Variants in VPS13B observed in about 807,000 individuals in gnomAD.
The protein encoded by VPS13B is intermembrane lipid transfer protein VPS13B.
Under a neutral mutation model 426.4 loss-of-function variants are expected in VPS13B, and 285 were observed. The ratio of observed to expected loss-of-function variants is 0.67; its 90% CI spans 0.61 to 0.74. VPS13B has a LOEUF of 0.74. Among genes scored for constraint, VPS13B ranks in the 30% least tolerant of loss-of-function variants. The pLI is 0.00. For synonymous variants in VPS13B, 1,676 were observed against 1,676.4 expected (o/e 1.00, Z 0.01); for missense variants, 4,537 against 4,782.6 (o/e 0.95, Z 1.51).
intron 56 of VPS13B, among the ~76,000 whole-genome samples, chr8:99,856,309 G>A (rs1816543599): frequency 6.6e-6 from 1 of 152,170 alleles, no homozygotes; most frequent in South Asian, 2.1e-4. Context: ...AAAAATCTAT[G>A]GACAATCTGA....
At chr8:99,738,606 T>C (rs1273452937) in intron 39 of VPS13B, among the ~76,000 whole-genome samples, 1 of 152,242 alleles carries the variant, frequency 6.6e-6, no homozygotes, top group East Asian at 1.9e-4. Context: ...TATCCTATTG[T>C]AGATTTGACT....
At chr8:99,239,871 T>A (rs1816830713) in intron 17 of VPS13B, among the ~76,000 whole-genome samples, 1 of 152,184 alleles carries the variant, frequency 6.6e-6, no homozygotes, top group African/African-American at 2.4e-5. Flanking sequence ...GTTTCACTCT[T>A]TCCTCCTCAT....
intron 17 of VPS13B, among the ~76,000 whole-genome samples, chr8:99,266,880 A>G (rs1818337582): frequency 6.6e-6 from 1 of 152,188 alleles, no homozygotes; most frequent in Non-Finnish European, 1.5e-5. Context: ...TCTTTTCTTT[A>G]TAAATTACCC....
chr8:99,196,467 G>GTTT (rs527809837), intron 17 of VPS13B, among the ~76,000 whole-genome samples: 1 of 127,198 alleles, frequency 7.9e-6, no homozygotes. Flanking sequence ...GTCTTTAGGG[G>GTTT]TTTTTTTTTT....
intron 17 of VPS13B, among the ~76,000 whole-genome samples, chr8:99,256,267 GTAT>G (rs1353149686): frequency 1.3e-5 from 2 of 152,014 alleles, no homozygotes; most frequent in African/African-American, 4.8e-5. Flanking sequence ...ATATTCTATT[GTAT>G]GTATATACCA....
chr8:99,630,226 C>T (rs72676209), intron 33 of VPS13B, among the ~76,000 whole-genome samples: 20,930 of 152,132 alleles, frequency 0.14, 1,992 homozygotes, highest in East Asian at 0.39. Context: ...TTGCTTTATC[C>T]TGCCTTTTCA....
intron 3 of VPS13B, among the ~76,000 whole-genome samples, chr8:99,086,159 T>G (rs2132393302): frequency 6.6e-6 from 1 of 152,314 alleles, no homozygotes; most frequent in African/African-American, 2.4e-5. Flanking sequence ...TGTTCATTTC[T>G]TTTTATTCTT....
chr8:99,391,802 G>A, intron 21 of VPS13B, 98 bp downstream of exon 21: 1 of 1,445,014 alleles, frequency 6.9e-7, no homozygotes, highest in East Asian at 2.4e-5. Context: ...AAAGACATGA[G>A]ACTCATTGAG....
chr8:99,415,221 T>C (rs533479516), intron 21 of VPS13B, among the ~76,000 whole-genome samples: 23 of 151,986 alleles, frequency 1.5e-4, no homozygotes, highest in Admixed American at 5.2e-4. Context: ...TTGTGTATGC[T>C]TCTCAAAGTT....
chr8:99,496,550 C>CT (rs950736911), intron 25 of VPS13B, among the ~76,000 whole-genome samples: 1 of 152,062 alleles, frequency 6.6e-6, no homozygotes, highest in African/African-American at 2.4e-5. Context: ...ACTTCGGAGG[C>CT]TGAGGCAGGA....
At chr8:99,233,554 G>A (rs1259241258) in intron 17 of VPS13B, 2 of 1,129,784 alleles carry the variant, frequency 1.8e-6, no homozygotes, top group African/African-American at 3.0e-5. Flanking sequence ...GTACAGGCTG[G>A]AGAAAGTATC....
At chr8:99,769,618 G>C (rs369118184) in intron 40 of VPS13B, among the ~76,000 whole-genome samples, 14 of 152,240 alleles carry the variant, frequency 9.2e-5, no homozygotes, top group African/African-American at 3.4e-4. Context: ...TTGAGATGAA[G>C]TTTTAATGTT....
chr8:99,356,510 T>C (rs1422445409), intron 19 of VPS13B, among the ~76,000 whole-genome samples: 1 of 152,066 alleles, frequency 6.6e-6, no homozygotes, highest in South Asian at 2.1e-4. Context: ...TAGCTGGGCA[T>C]GGTGACACAT....
chr8:99,127,164 C>A (rs75132181), intron 8 of VPS13B, among the ~76,000 whole-genome samples: 1 of 151,490 alleles, frequency 6.6e-6, no homozygotes, highest in Non-Finnish European at 1.5e-5. Flanking sequence ...TTTTTGTAGT[C>A]GTTTTTGGTG....
At chr8:99,604,811 T>C (rs367928914) in intron 33 of VPS13B, among the ~76,000 whole-genome samples, 34 of 152,172 alleles carry the variant, frequency 2.2e-4, no homozygotes, top group Admixed American at 1.6e-3. Flanking sequence ...GCAGTACTGC[T>C]CAGATATTTT....
At chr8:99,082,332 G>T (rs1400512389) in intron 3 of VPS13B, among the ~76,000 whole-genome samples, 3 of 151,532 alleles carry the variant, frequency 2.0e-5, no homozygotes, top group South Asian at 4.3e-4. Context: ...TTGTAAATTT[G>T]TCTGAGTTCA....
intron 2 of VPS13B, among the ~76,000 whole-genome samples, chr8:99,038,107 G>T (rs1157354887): frequency 2.0e-5 from 3 of 151,972 alleles, no homozygotes; most frequent in Admixed American, 6.6e-5. Flanking sequence ...TAGGAGACAG[G>T]CCTAGAGTGC....
At chr8:99,626,216 T>C (rs1007502654) in intron 33 of VPS13B, among the ~76,000 whole-genome samples, 1 of 152,182 alleles carries the variant, frequency 6.6e-6, no homozygotes, top group African/African-American at 2.4e-5. Context: ...AATGAATAGA[T>C]AAATAAAAGT....
At chr8:99,206,012 G>T (rs1311863338) in intron 17 of VPS13B, among the ~76,000 whole-genome samples, 2 of 152,120 alleles carry the variant, frequency 1.3e-5, no homozygotes, top group Non-Finnish European at 1.5e-5. Flanking sequence ...AGCTAAATAT[G>T]TATTATTAAT....
Sources: allele counts gnomAD v4.1 joint callset (sites outside exome capture counted in the v4.1 genomes callset), GRCh38; gene constraint gnomAD v4.1.1; transcripts MANE v1.5; gene names NCBI Gene and HGNC (gene_info 2026-07-23, HGNC 2026-07-21).